The following LRRC8C variants were observed in gnomAD, a reference collection of about 807,000 sequenced individuals.
LRRC8C encodes the protein volume-regulated anion channel subunit LRRC8C.
LRRC8C carries 20 observed loss-of-function variants against 55.3 expected under a neutral mutation model. That is an observed-to-expected ratio of 0.36 (90% confidence interval 0.25 to 0.53). The LOEUF (loss-of-function observed/expected upper bound fraction) is 0.53, where lower values mean the gene tolerates loss of function less well. LRRC8C is among the 20% of genes least tolerant of loss of function. The probability of loss-of-function intolerance (pLI) is 0.92; values close to 1 mark genes in which losing one functional copy is unlikely to be tolerated. For missense variants in LRRC8C, 659 were observed against 951.4 expected (o/e 0.69, Z 4.04); for synonymous variants, 376 against 360.7 (o/e 1.04, Z -0.48).
In LRRC8C at chr1:89,659,059, TTTTGTGTGTGTG is replaced by T. The variant is rs1194639403; in HGVS notation, c.-5+25739_-5+25750del. Among the ~76,000 whole-genome samples, 49 of 59,256 alleles carry T rather than the reference TTTTGTGTGTGTG, an allele frequency of 8.3e-4. 3 individuals are homozygous for T. In the East Asian group the frequency reaches 8.5e-3, roughly 10 times the overall value. 38.9% of individuals were successfully genotyped at this position (59,256 alleles called of 152,430 possible). ...TGTGTCTTCTCCAGGTTTTTTTTTT[TTTTGTGTGTGTG>T]TGTGTGTGTGTGTGTGTGTGTGTGT... On this transcript the variant is annotated intron_variant, in intron 1 of 2. Transcript: ENST00000370454.
intron 1 of LRRC8C, among the ~76,000 whole-genome samples, chr1:89,685,243 C>T (rs1379157014): frequency 1.3e-5 from 2 of 150,194 alleles, no homozygotes; most frequent in Admixed American, 6.6e-5. Context: ...CTCAGCCTCC[C>T]GAGTAGCTGG....
At chr1:89,628,167 G>T (rs1355339721), upstream of LRRC8C, among the ~76,000 whole-genome samples, 1 of 152,162 alleles carries the variant, frequency 6.6e-6, no homozygotes, top group East Asian at 1.9e-4. Context: ...GTTTGTTTTA[G>T]AAGAATCTGA....
chr1:89,629,552 A>T (rs2101161513), upstream of LRRC8C, among the ~76,000 whole-genome samples: 1 of 152,364 alleles, frequency 6.6e-6, no homozygotes, highest in Non-Finnish European at 1.5e-5. Context: ...TTTATGAGCT[A>T]AAGGGTTCAG....
intron 2 of LRRC8C, among the ~76,000 whole-genome samples, chr1:89,709,699 A>AT (rs1245368649): frequency 6.8e-6 from 1 of 147,150 alleles, no homozygotes; most frequent in Non-Finnish European, 1.5e-5. Context: ...CTTTTACCTG[A>AT]TTCCTCTGTG....
At position 89,686,456 on chromosome 1, in the gene LRRC8C, C is replaced by T; in HGVS notation, c.-4-14C>T. On this transcript the variant is annotated splice_polypyrimidine_tract_variant and intron_variant, in intron 1 of 2. Coordinates refer to ENST00000370454, the MANE Select transcript of LRRC8C (RefSeq NM_032270.5). ...GAAGATAAATTGATTTACAAGTAAT[C>T]TCTCCTTTCTCAGAAACATGATTCC... is the stretch of plus-strand genomic sequence containing the variant. The T allele has an allele frequency of 6.2e-7, 1 of 1,613,686 alleles. No homozygotes were observed. Among genetic ancestry groups the T allele is most frequent in the Non-Finnish European group, 8.5e-7 (1 of 1,179,854 alleles).
chr1:89,659,055 TTTTTTTTG>T (rs1485372014), intron 1 of LRRC8C, among the ~76,000 whole-genome samples: 2,582 of 110,982 alleles, frequency 0.023, 187 homozygotes, highest in African/African-American at 0.07. Flanking sequence ...CAGGTTTTTT[TTTTTTTTG>T]TGTGTGTGTG....
At chr1:89,665,460 G>T (rs999060447) in intron 1 of LRRC8C, among the ~76,000 whole-genome samples, 1 of 151,940 alleles carries the variant, frequency 6.6e-6, no homozygotes, top group Non-Finnish European at 1.5e-5. Context: ...GTAGGCCTAG[G>T]TTAATATACA....
chr1:89,647,020 G>T (rs10737706), intron 1 of LRRC8C, among the ~76,000 whole-genome samples: 80,572 of 151,580 alleles, frequency 0.53, 21,948 homozygotes, highest in East Asian at 0.79. Flanking sequence ...CTCTGAAAGG[G>T]TATTTAATAA....
rs1357091793 is a variant in LRRC8C at position 89,709,606 on chromosome 1, C to A, written c.139-3103C>A. Among the ~76,000 whole-genome samples, 6 of 152,244 alleles carry A rather than the reference C, an allele frequency of 3.9e-5. No individual in the cohort carries two copies. The South Asian group carries it at 1.2e-3, about 32-fold the overall frequency. On this transcript the variant is annotated intron_variant, in intron 2 of 2. Coordinates refer to ENST00000370454, the MANE Select transcript of LRRC8C (RefSeq NM_032270.5). ...CCGGGGGAGGGTTCAGGCAGGGGTA[C>A]AGAAATGGGGCCCACTTGGTTGCTT... is the stretch of plus-strand genomic sequence containing the variant.
intron 1 of LRRC8C, among the ~76,000 whole-genome samples, chr1:89,672,995 A>G (rs1657462512): frequency 6.6e-6 from 1 of 152,126 alleles, no homozygotes; most frequent in Non-Finnish European, 1.5e-5. Flanking sequence ...CCCTAAGCCT[A>G]CTTTCCACTG....
intron 1 of LRRC8C, among the ~76,000 whole-genome samples, chr1:89,658,401 A>C (rs1657009341): frequency 6.6e-6 from 1 of 152,218 alleles, no homozygotes; most frequent in Admixed American, 6.5e-5. Context: ...TTAGAATATA[A>C]TCTAAAAAAG....
chr1:89,694,585 CTTTTTT>C (rs33917661), intron 2 of LRRC8C, among the ~76,000 whole-genome samples: 3 of 83,240 alleles, frequency 3.6e-5, no homozygotes, highest in South Asian at 4.4e-4. Flanking sequence ...TGCCCAGCTT[CTTTTTT>C]TTTTTTTTTT....
At chr1:89,641,345 G>T (rs999143015) in intron 1 of LRRC8C, among the ~76,000 whole-genome samples, 1 of 152,188 alleles carries the variant, frequency 6.6e-6, no homozygotes, top group African/African-American at 2.4e-5. Flanking sequence ...AGCTAACCTA[G>T]ATTTAAAAAA....
rs749929455 is a variant in LRRC8C at position 89,714,712 on chromosome 1, A to G, written c.2142A>G (p.Thr714=). Reference sequence around the variant, plus strand: ...AAAGTTTACAGTATTTTTCCATCACATGTAACAAAGTGGAAAGCCTTCCAG... The same window carrying G: ...AAAGTTTACAGTATTTTTCCATCACGTGTAACAAAGTGGAAAGCCTTCCAG... ...VLQSLQYFSI[T]CNKVESLPDE... is the part of the protein sequence containing the mutation. Residue 714 remains threonine (T), a synonymous_variant, in exon 3 of 3, where the codon ACA becomes ACG. Transcript: ENST00000370454. This position sits in a 1 kb window ranked among gnomAD's most constrained non-coding sequence, Gnocchi z 4.6. The G allele has an allele frequency of 1.9e-6, 3 of 1,614,170 alleles. No homozygotes were observed. Among genetic ancestry groups the G allele is most frequent in the South Asian group, 1.1e-5 (1 of 91,086 alleles).
chr1:89,643,801 C>T (rs1232374892), intron 1 of LRRC8C, among the ~76,000 whole-genome samples: 1 of 152,176 alleles, frequency 6.6e-6, no homozygotes, highest in African/African-American at 2.4e-5. Flanking sequence ...AAAGCATGTG[C>T]TCATGCTGTG....
At chr1:89,679,703 G>A (rs563463369) in intron 1 of LRRC8C, among the ~76,000 whole-genome samples, 71 of 152,296 alleles carry the variant, frequency 4.7e-4, no homozygotes, top group African/African-American at 1.6e-3. Flanking sequence ...GTTTTGATCA[G>A]GGCCATTCAC....
chr1:89,673,001 C>T (rs183310275), intron 1 of LRRC8C, among the ~76,000 whole-genome samples: 2 of 152,234 alleles, frequency 1.3e-5, no homozygotes, highest in South Asian at 2.1e-4. Flanking sequence ...GCCTACTTTC[C>T]ACTGCCCAAA....
the LRRC8C span, among the ~76,000 whole-genome samples, chr1:89,616,595 G>C: frequency 6.6e-6 from 1 of 152,214 alleles, no homozygotes; most frequent in African/African-American, 2.4e-5. Context: ...GCTGACTCTA[G>C]TCTAACTTGA....
At chr1:89,676,200 G>T (rs1458293253) in intron 1 of LRRC8C, 1 of 152,120 alleles carries the variant, frequency 6.6e-6, no homozygotes, top group African/African-American at 2.4e-5. Context: ...TTAATGTTTA[G>T]ATTTGTTTTC....
Sources: gnomAD v4.1 joint callset for allele counts (sites outside exome capture counted in the v4.1 genomes callset) on GRCh38, gnomAD v4.1.1 for gene constraint, Gnocchi (gnomAD v3.1) non-coding constraint, MANE v1.5 for transcripts, NCBI Gene and HGNC (gene_info 2026-07-23, HGNC 2026-07-21) for gene names.